The following SGCD variants were observed in gnomAD, a reference collection of about 807,000 sequenced individuals.
SGCD encodes sarcoglycan delta, also known as delta-sarcoglycan.
A neutral mutation model predicts 36.6 loss-of-function variants in SGCD; 18 were observed. The ratio of observed to expected loss-of-function variants is 0.49; its 90% confidence interval spans 0.34 to 0.73. The LOEUF (loss-of-function observed/expected upper bound fraction) is 0.73. Among genes scored for constraint, SGCD ranks in the 30% least tolerant of loss-of-function variants. The pLI is 0.01. For missense variants in SGCD, 387 were observed against 346.7 expected, an observed-to-expected ratio of 1.12 and a Z score of -0.92; for synonymous variants, 133 against 130.6, an observed-to-expected ratio of 1.02 and a Z score of -0.12.
intron 6 of SGCD, among the ~76,000 whole-genome samples, chr5:156,618,031 C>T (rs1561818105): frequency 6.6e-6 from 1 of 152,220 alleles, no homozygotes; most frequent in Admixed American, 6.5e-5. Flanking sequence ...CTCTCTCCTT[C>T]CTTTCTCTTT....
At position 156,352,535 on chromosome 5, in the gene SGCD, C is replaced by G. The variant is rs573414657; in HGVS notation, c.192+7858C>G. On this transcript the variant is annotated intron_variant, in intron 3 of 8. Transcript: ENST00000337851. Reference sequence around the variant, plus strand: ...GGATATCAAGTATCTGATCATGTTGCTGACATGGTAGGACCTCAGTAAATG... The same window carrying G: ...GGATATCAAGTATCTGATCATGTTGGTGACATGGTAGGACCTCAGTAAATG... 9.1e-4 allele frequency among the ~76,000 whole-genome samples: 139 copies of G among 152,312 alleles called. 1 individual carries two copies. Among genetic ancestry groups the G allele is most frequent in the Middle Eastern group, 6.8e-3 (2 of 294 alleles).
chr5:156,725,864 G>T (rs1030748162), intron 7 of SGCD, among the ~76,000 whole-genome samples: 4 of 152,142 alleles, frequency 2.6e-5, no homozygotes, highest in African/African-American at 9.7e-5. Context: ...CAAACTTTCT[G>T]CTTTCCAATC....
upstream of SGCD, among the ~76,000 whole-genome samples, chr5:156,322,058 AC>A (rs1413952058): frequency 1.3e-5 from 2 of 151,706 alleles, no homozygotes; most frequent in Admixed American, 6.6e-5. Flanking sequence ...CCCACCCTCC[AC>A]CCCAAGTCAG....
chr5:156,211,176 C>CA (rs1055597090), intron 3 of SGCD, among the ~76,000 whole-genome samples: 5 of 151,226 alleles, frequency 3.3e-5, no homozygotes, highest in Non-Finnish European at 7.4e-5. Flanking sequence ...GAAAAAAAAA[C>CA]AAAAAACAAA....
At chr5:156,393,768 C>G (rs921900119) in intron 3 of SGCD, 1 of 456,178 alleles carries the variant, frequency 2.2e-6, no homozygotes, top group African/African-American at 2.0e-5. Flanking sequence ...CCATCTGCTT[C>G]TGAGATTTAA....
At chr5:156,423,167 AT>A (rs1375284732) in intron 3 of SGCD, among the ~76,000 whole-genome samples, 3 of 34,344 alleles carry the variant, frequency 8.7e-5, no homozygotes, top group Non-Finnish European at 1.5e-4. Flanking sequence ...TAAATATTAT[AT>A]TTAATATAAT....
chr5:156,660,392 C>T (rs1763867530), intron 7 of SGCD, among the ~76,000 whole-genome samples: 1 of 152,306 alleles, frequency 6.6e-6, no homozygotes, highest in African/African-American at 2.4e-5. Flanking sequence ...CTGGTGTTAC[C>T]ATCTCCGTGG....
At chr5:155,904,068 C>T (rs1258582898) in intron 1 of SGCD, among the ~76,000 whole-genome samples, 1 of 152,184 alleles carries the variant, frequency 6.6e-6, no homozygotes, top group Admixed American at 6.5e-5. Flanking sequence ...TGTCACTGTG[C>T]ACATCTGTGA....
chr5:156,596,256 C>G (rs923683753), intron 6 of SGCD, among the ~76,000 whole-genome samples: 2 of 152,164 alleles, frequency 1.3e-5, no homozygotes, highest in African/African-American at 4.8e-5. Context: ...CTGAGATTCA[C>G]TGTAGCATAG....
At chr5:155,753,783 T>C in the SGCD span, among the ~76,000 whole-genome samples, 2,174 of 152,274 alleles carry the variant, frequency 0.014, 61 homozygotes, top group African/African-American at 0.048. Context: ...TGTGCCTCTA[T>C]GTGTAGAGGC....
At chr5:156,098,495 ATCTC>A (rs1348227188) in intron 1 of SGCD, among the ~76,000 whole-genome samples, 4 of 152,226 alleles carry the variant, frequency 2.6e-5, no homozygotes, top group Non-Finnish European at 4.4e-5. Flanking sequence ...TATTTGTTCT[ATCTC>A]TCTTTCATAA....
At chr5:156,170,637 T>C (rs560980686) in intron 3 of SGCD, among the ~76,000 whole-genome samples, 115 of 152,322 alleles carry the variant, frequency 7.5e-4, no homozygotes, top group African/African-American at 2.7e-3. Flanking sequence ...CCGGGAAGCC[T>C]ATCTGAAGTC....
chr5:155,963,623 A>T (rs1057134223), intron 1 of SGCD, among the ~76,000 whole-genome samples: 1 of 152,060 alleles, frequency 6.6e-6, no homozygotes, highest in Non-Finnish European at 1.5e-5. Flanking sequence ...AATTATTTTT[A>T]TCTCCCCATT....
intron 2 of SGCD, among the ~76,000 whole-genome samples, chr5:156,343,730 C>T (rs1180580081): frequency 3.3e-5 from 5 of 152,172 alleles, no homozygotes; most frequent in Non-Finnish European, 7.3e-5. Context: ...TCTCTCTCTA[C>T]TGTGCTTAGC....
At position 156,344,571 on chromosome 5, in the gene SGCD, G is replaced by T. The variant is rs763131123; in HGVS notation, c.86G>T (p.Gly29Val). The T allele has an allele frequency of 6.2e-7, 1 of 1,612,480 alleles. No homozygotes were observed. The highest frequency in any genetic ancestry group is 8.5e-7 in the Non-Finnish European group (1 of 1,179,158). Residue 29 changes from glycine to valine, a missense_variant, in exon 3 of 9, where the codon GGC (glycine) becomes GTC (valine). Coordinates refer to ENST00000337851, the MANE Select transcript of SGCD (RefSeq NM_000337.6). The stretch of plus-strand genomic sequence containing the variant: ...CAGGTATACAAGGTGGGGATTTATG[G>T]CTGGCGGAAACGATGCCTGTATTTC... ...GPQVYKVGIY[G>V]WRKRCLYFFV...
intron 7 of SGCD, among the ~76,000 whole-genome samples, chr5:156,701,312 T>C (rs1426753448): frequency 6.6e-6 from 1 of 152,240 alleles, no homozygotes; most frequent in Non-Finnish European, 1.5e-5. Flanking sequence ...TAATATTCTT[T>C]TCATGCTTTA....
intron 3 of SGCD, among the ~76,000 whole-genome samples, chr5:156,345,031 G>A (rs1278739513): frequency 6.6e-6 from 1 of 151,880 alleles, no homozygotes; most frequent in Non-Finnish European, 1.5e-5. Context: ...TTCAGCAAGT[G>A]TAGTGATTAT....
rs1580975251 is a variant in SGCD, at chr5:156,426,205, C to T, written c.192+81528C>T. On this transcript the variant is annotated intron_variant, in intron 3 of 8. Coordinates refer to ENST00000337851, the MANE Select transcript of SGCD (RefSeq NM_000337.6). ...ACGTAAAGGAGTTCCCTTTGCACCA[C>T]ATCCATGCAAATATCTATTATTTTT... 2.0e-5 allele frequency among the ~76,000 whole-genome samples: 3 copies of T among 152,080 alleles called. No individual in the cohort carries two copies. In the East Asian group the frequency reaches 5.8e-4, roughly 29 times the overall value.
intron 3 of SGCD, among the ~76,000 whole-genome samples, chr5:156,276,645 C>T (rs1298651948): frequency 3.9e-5 from 6 of 152,150 alleles, no homozygotes; most frequent in African/African-American, 1.4e-4. Flanking sequence ...GCATTCAACA[C>T]ATATTTATTA....
Sources: allele counts gnomAD v4.1 joint callset (sites outside exome capture counted in the v4.1 genomes callset), GRCh38; gene constraint gnomAD v4.1.1; transcripts MANE v1.5; gene names NCBI Gene and HGNC (gene_info 2026-07-23, HGNC 2026-07-21).